PALLD: variants seen among roughly 807,000 people sequenced by gnomAD.
PALLD encodes palladin.
A neutral mutation model predicts 123.5 loss-of-function variants in PALLD; 61 were observed. The observed-to-expected ratio is 0.49, with a 90% CI of 0.40 to 0.61. The LOEUF (loss-of-function observed/expected upper bound fraction) is 0.61, where lower values mean the gene tolerates loss of function less well. PALLD is among the 20% of genes least tolerant of loss of function. PALLD has a pLI of 0.00. For synonymous variants in PALLD, 465 were observed against 496.4 expected, an observed-to-expected ratio of 0.94 and a Z score of 0.84; for missense variants, 1,273 against 1,377.0, an observed-to-expected ratio of 0.92 and a Z score of 1.20.
At chr4:168,503,656 AAAAAAG>A (rs1404717643) in intron 1 of PALLD, among the ~76,000 whole-genome samples, 2 of 151,974 alleles carry the variant, frequency 1.3e-5, no homozygotes, top group East Asian at 1.9e-4. Context: ...CAAAAAAAAA[AAAAAAG>A]AAAAAGAAAA....
In PALLD at chr4:168,896,716, G is replaced by T; in HGVS notation, c.2250+117G>T. 3 of 659,042 alleles carry T rather than the reference G, an allele frequency of 4.6e-6. No individual in the cohort carries two copies. In the South Asian group the frequency reaches 5.6e-5, roughly 12 times the overall value. The allele number at this position is 659,042 out of a possible 1,614,324, so 40.8% of individuals were successfully genotyped here. A position where few individuals can be genotyped will look rare whatever the true frequency, so the allele number is the denominator to read the frequency against. On this transcript the variant is annotated intron_variant, in intron 13 of 21. Transcript: ENST00000505667. Reference sequence around the variant, plus strand: ...GCCATATATTAATTATAAATGCTATGACCAGTGTCTGTTTCATTTAATATC... The same window carrying T: ...GCCATATATTAATTATAAATGCTATTACCAGTGTCTGTTTCATTTAATATC...
intron 2 of PALLD, among the ~76,000 whole-genome samples, chr4:168,517,449 T>C (rs1288179526): frequency 6.6e-6 from 1 of 152,170 alleles, no homozygotes. Context: ...AATACAATTA[T>C]TTCTTTTTAT....
intron 2 of PALLD, among the ~76,000 whole-genome samples, chr4:168,545,691 T>TGAC (rs1766072495): frequency 6.6e-6 from 1 of 152,202 alleles, no homozygotes; most frequent in Non-Finnish European, 1.5e-5. Flanking sequence ...TCCAGTTGTG[T>TGAC]GACTATTGCA....
chr4:168,578,153 G>A (rs1225885449), intron 2 of PALLD, among the ~76,000 whole-genome samples: 2 of 151,960 alleles, frequency 1.3e-5, no homozygotes, highest in African/African-American at 4.8e-5. Context: ...ATCTTCTAGG[G>A]TCAGCAATTT....
chr4:168,599,098 G>A (rs376653317), intron 2 of PALLD, among the ~76,000 whole-genome samples: 37 of 152,160 alleles, frequency 2.4e-4, no homozygotes, highest in Admixed American at 1.1e-3. Flanking sequence ...CCAAAATAGC[G>A]AATAGCCACT....
chr4:168,892,214 A>C (rs1223513708), intron 11 of PALLD, among the ~76,000 whole-genome samples: 3 of 152,188 alleles, frequency 2.0e-5, no homozygotes, highest in African/African-American at 7.2e-5. Flanking sequence ...AAATCTAGAA[A>C]ATAAGACTTA....
intron 10 of PALLD, among the ~76,000 whole-genome samples, chr4:168,805,850 A>G (rs1682833195): frequency 6.6e-6 from 1 of 152,164 alleles, no homozygotes; most frequent in African/African-American, 2.4e-5. Flanking sequence ...TTTGTATCCC[A>G]TGTACCTGAC....
chr4:168,743,943 C>T (rs538149745), intron 10 of PALLD, among the ~76,000 whole-genome samples: 1 of 152,278 alleles, frequency 6.6e-6, no homozygotes, highest in South Asian at 2.1e-4. Flanking sequence ...TTTGCTTCCA[C>T]TGTCTGAGAA....
chr4:168,788,230 T>G (rs756653295), intron 10 of PALLD, among the ~76,000 whole-genome samples: 1 of 48,584 alleles, frequency 2.1e-5, no homozygotes, highest in Non-Finnish European at 4.1e-5. Flanking sequence ...TACAAGTACT[T>G]TGAACTGGAT....
intron 8 of PALLD, among the ~76,000 whole-genome samples, chr4:168,702,268 C>T (rs1783749256): frequency 6.6e-6 from 1 of 152,102 alleles, no homozygotes; most frequent in African/African-American, 2.4e-5. Context: ...AACAGACCAT[C>T]AGCTGGGTGT....
intron 2 of PALLD, among the ~76,000 whole-genome samples, chr4:168,663,002 G>C (rs1335387705): frequency 6.6e-6 from 1 of 152,180 alleles, no homozygotes; most frequent in African/African-American, 2.4e-5. Context: ...ACTTCAGTTT[G>C]AGTTGGTGAA....
At chr4:168,608,527 G>A (rs6853340) in intron 2 of PALLD, among the ~76,000 whole-genome samples, 59,226 of 151,990 alleles carry the variant, frequency 0.39, 12,913 homozygotes, top group East Asian at 0.8. Flanking sequence ...TTCTTGAAGC[G>A]GCTAGAAGAG....
chr4:168,881,628 T>C (rs766723152), intron 10 of PALLD, among the ~76,000 whole-genome samples: 8 of 151,986 alleles, frequency 5.3e-5, no homozygotes, highest in Non-Finnish European at 7.4e-5. Context: ...TGGCAAAATA[T>C]TGCCCTGCAC....
rs530541200 is a variant in PALLD, at chr4:168,691,979, C to T, written c.1501+687C>T. 2.3e-4 allele frequency among the ~76,000 whole-genome samples: 35 copies of T among 152,274 alleles called. 1 individual carries two copies. Among genetic ancestry groups the T allele is most frequent in the South Asian group, 8.3e-4 (4 of 4,826 alleles). On this transcript the variant is annotated intron_variant, in intron 8 of 21. Coordinates refer to ENST00000505667, the MANE Select transcript of PALLD (RefSeq NM_001166108.2). ...ACAAATTTTTGTCTAGGTACTTCAT[C>T]GTATGTCCTCCTCAAGACTATTTTC...
intron 2 of PALLD, among the ~76,000 whole-genome samples, chr4:168,609,574 A>C (rs1035230244): frequency 6.6e-6 from 1 of 152,124 alleles, no homozygotes; most frequent in Non-Finnish European, 1.5e-5. Flanking sequence ...AGGGTTCTGG[A>C]TGCCTTCATG....
At chr4:168,644,010 G>C (rs1777200816) in intron 2 of PALLD, among the ~76,000 whole-genome samples, 1 of 151,748 alleles carries the variant, frequency 6.6e-6, no homozygotes, top group African/African-American at 2.4e-5. Flanking sequence ...AAAACCGCTT[G>C]GTGCCTCCAA....
At chr4:168,810,782 T>C (rs1740982177) in intron 10 of PALLD, among the ~76,000 whole-genome samples, 1 of 146,188 alleles carries the variant, frequency 6.8e-6, no homozygotes, top group African/African-American at 2.6e-5. Context: ...CAGTCCGCAG[T>C]CCGGCCTGGG....
intron 8 of PALLD, among the ~76,000 whole-genome samples, chr4:168,693,279 C>T (rs1351576288): frequency 6.6e-5 from 10 of 152,100 alleles, no homozygotes; most frequent in Admixed American, 1.3e-4. Flanking sequence ...ATCTACCCTG[C>T]GCCCTGTGTC....
chr4:168,693,397 C>T (rs1424344733), intron 8 of PALLD, among the ~76,000 whole-genome samples: 2 of 152,190 alleles, frequency 1.3e-5, no homozygotes, highest in Admixed American at 1.3e-4. Flanking sequence ...TCCTAAACAG[C>T]TTCATGGAAT....
Sources: gnomAD v4.1 joint callset for allele counts (sites outside exome capture counted in the v4.1 genomes callset) on GRCh38, gnomAD v4.1.1 for gene constraint, MANE v1.5 for transcripts, NCBI Gene and HGNC (gene_info 2026-07-23, HGNC 2026-07-21) for gene names.